ATXN1: variants seen among roughly 807,000 people sequenced by gnomAD.
ATXN1 encodes the protein ataxin-1.
Under a neutral mutation model 56.4 loss-of-function variants are expected in ATXN1, and 8 were observed. The ratio of observed to expected loss-of-function variants is 0.14; its 90% CI spans 0.08 to 0.26. The LOEUF (loss-of-function observed/expected upper bound fraction) is 0.26, where lower values mean the gene tolerates loss of function less well. Ranked by LOEUF, ATXN1 falls within the 10% of genes least tolerant of loss-of-function variation. The probability of loss-of-function intolerance (pLI) is 1.00; values close to 1 mark genes in which losing one functional copy is unlikely to be tolerated. For synonymous variants in ATXN1, 514 were observed against 494.6 expected (o/e 1.04, Z -0.52); for missense variants, 987 against 1,106.5 (o/e 0.89, Z 1.53).
chr6:16,372,934 TAAACAAAC>T (rs58286188), intron 6 of ATXN1, among the ~76,000 whole-genome samples: 10,274 of 148,790 alleles, frequency 0.069, 620 homozygotes, highest in East Asian at 0.35. Flanking sequence ...AATAAATAAA[TAAACAAAC>T]AAACAAACAA....
chr6:16,539,671 T>C (rs1185786615), intron 4 of ATXN1, among the ~76,000 whole-genome samples: 2 of 152,154 alleles, frequency 1.3e-5, no homozygotes, highest in African/African-American at 4.8e-5. Flanking sequence ...GGACATTCTA[T>C]AACCAGGGAT....
At chr6:16,373,622 GT>G (rs2113494493) in intron 6 of ATXN1, among the ~76,000 whole-genome samples, 2 of 152,308 alleles carry the variant, frequency 1.3e-5, no homozygotes, top group Non-Finnish European at 2.9e-5. Context: ...AATGGGGGCA[GT>G]TTCCCCCATA....
intron 6 of ATXN1, among the ~76,000 whole-genome samples, chr6:16,476,429 A>G (rs1363149722): frequency 6.6e-6 from 1 of 152,186 alleles, no homozygotes; most frequent in Non-Finnish European, 1.5e-5. Flanking sequence ...TGTATTTCTT[A>G]TTCATATGAG....
At chr6:16,706,255 A>C (rs878883300) in intron 2 of ATXN1, among the ~76,000 whole-genome samples, 1 of 152,122 alleles carries the variant, frequency 6.6e-6, no homozygotes, top group Admixed American at 6.5e-5. Context: ...ACAGAGAGCA[A>C]TGATTAATCT....
chr6:16,470,830 T>TA (rs939709409), intron 6 of ATXN1, among the ~76,000 whole-genome samples: 6 of 152,090 alleles, frequency 3.9e-5, no homozygotes, highest in Non-Finnish European at 5.9e-5. Context: ...TTCATCTCTA[T>TA]AAAAAATAAT....
intron 4 of ATXN1, among the ~76,000 whole-genome samples, chr6:16,535,906 GTC>G: frequency 6.6e-6 from 1 of 152,252 alleles, no homozygotes; most frequent in East Asian, 1.9e-4. Flanking sequence ...TTTGTGGACT[GTC>G]CCTCAATTTG....
intron 6 of ATXN1, among the ~76,000 whole-genome samples, chr6:16,447,512 C>G (rs1269884367): frequency 2.0e-5 from 3 of 152,184 alleles, no homozygotes; most frequent in Admixed American, 6.5e-5. Flanking sequence ...GTGTTAGCCA[C>G]CACACCCTGC....
Position 16,590,107 on chromosome 6 carries a change from G to A in ATXN1, c.-488-4200C>T, listed in dbSNP as rs1054082997. On this transcript the variant is annotated intron_variant, in intron 3 of 7. Coordinates refer to ENST00000436367, the MANE Select transcript of ATXN1 (RefSeq NM_001128164.2). ...TTTTGCTAAAAAAAAAATTAGAGAT[G>A]CATATTCATCCACTTCTGTTAATTA... Among the ~76,000 whole-genome samples the A allele has an allele frequency of 2.6e-5, 4 of 152,100 alleles. No homozygotes were observed. In the South Asian group the frequency reaches 8.3e-4, roughly 32 times the overall value.
At chr6:16,347,635 T>C (rs1761446863) in intron 6 of ATXN1, among the ~76,000 whole-genome samples, 2 of 152,332 alleles carry the variant, frequency 1.3e-5, no homozygotes, top group South Asian at 2.1e-4. Flanking sequence ...GGTGGGGACT[T>C]GGAGAACCTT....
intron 6 of ATXN1, among the ~76,000 whole-genome samples, chr6:16,340,976 A>G (rs1474033680): frequency 6.6e-6 from 1 of 152,172 alleles, no homozygotes; most frequent in East Asian, 1.9e-4. Context: ...GAGTGGATCA[A>G]TTTTTGGGGT....
At chr6:16,560,211 T>C (rs1762090893) in intron 4 of ATXN1, among the ~76,000 whole-genome samples, 1 of 152,018 alleles carries the variant, frequency 6.6e-6, no homozygotes, top group South Asian at 2.1e-4. Flanking sequence ...GCTGTAAAAA[T>C]GTCCTGACAG....
Position 16,687,657 on chromosome 6 carries a change from T to TACACACACACACACACAC in ATXN1, c.-614-29774_-614-29757dup, listed in dbSNP as rs57034032. On this transcript the variant is annotated intron_variant, in intron 2 of 7. Transcript: ENST00000436367. ...AAGCAGCCTGGAATCAAAGAAGAAA[T>TACACACACACACACACAC]ACACACACACACACACACACACACA... is the stretch of plus-strand genomic sequence containing the variant. Among the ~76,000 whole-genome samples the TACACACACACACACACAC allele has an allele frequency of 1.0e-3, 147 of 143,394 alleles. 1 individual carries two copies. The highest frequency in any genetic ancestry group is 8.1e-3 in the East Asian group (39 of 4,798). The allele number at this position is 143,394 out of a possible 152,430, so 94.1% of individuals were successfully genotyped here.
intron 2 of ATXN1, among the ~76,000 whole-genome samples, chr6:16,710,941 A>C (rs1047193883): frequency 1.1e-4 from 16 of 147,024 alleles, no homozygotes; most frequent in Admixed American, 1.4e-4. Flanking sequence ...CCAGGATGGA[A>C]TGCAATGCTG....
intron 7 of ATXN1, among the ~76,000 whole-genome samples, chr6:16,314,268 T>C (rs949193599): frequency 2.6e-5 from 4 of 152,260 alleles, no homozygotes; most frequent in African/African-American, 9.6e-5. Flanking sequence ...CACTCAAGCA[T>C]TCATAGCAAA....
intron 6 of ATXN1, among the ~76,000 whole-genome samples, chr6:16,330,317 CCT>C (rs1760952116): frequency 6.6e-6 from 1 of 152,122 alleles, no homozygotes; most frequent in Non-Finnish European, 1.5e-5. Flanking sequence ...AACATAACCC[CCT>C]TTCTCTACTC....
At chr6:16,468,803 G>A (rs1424222695) in intron 6 of ATXN1, among the ~76,000 whole-genome samples, 4 of 151,904 alleles carry the variant, frequency 2.6e-5, no homozygotes, top group Non-Finnish European at 5.9e-5. Context: ...AACTAGAGAA[G>A]TTTTCAGATG....
chr6:16,341,077 C>A (rs1761234261), intron 6 of ATXN1, among the ~76,000 whole-genome samples: 1 of 152,214 alleles, frequency 6.6e-6, no homozygotes, highest in Non-Finnish European at 1.5e-5. Context: ...AATTGACTTA[C>A]TAGAAATCTA....
At chr6:16,322,957 C>T (rs1760709560) in intron 7 of ATXN1, among the ~76,000 whole-genome samples, 1 of 152,204 alleles carries the variant, frequency 6.6e-6, no homozygotes. Context: ...AGCACACTTG[C>T]CTTTCTTTGA....
At chr6:16,426,003 C>G (rs1180354241) in intron 6 of ATXN1, among the ~76,000 whole-genome samples, 2 of 152,152 alleles carry the variant, frequency 1.3e-5, no homozygotes, top group African/African-American at 4.8e-5. Context: ...ACAAGACAGG[C>G]TGGAGCAGAT....
Sources: gnomAD v4.1 joint callset for allele counts (sites outside exome capture counted in the v4.1 genomes callset) on GRCh38, gnomAD v4.1.1 for gene constraint, MANE v1.5 for transcripts, NCBI Gene and HGNC (gene_info 2026-07-23, HGNC 2026-07-21) for gene names.